The following PIP5K1B variants were observed in gnomAD, a reference collection of about 807,000 sequenced individuals.
PIP5K1B encodes phosphatidylinositol-4-phosphate 5-kinase type 1 beta.
Under a neutral mutation model 67.0 loss-of-function variants are expected in PIP5K1B, and 42 were observed. The observed-to-expected ratio is 0.63, with a 90% confidence interval of 0.49 to 0.81. PIP5K1B has a LOEUF of 0.81. Among genes scored for constraint, PIP5K1B ranks in the 30% least tolerant of loss-of-function variants. The pLI is 0.00. For synonymous variants in PIP5K1B, 214 were observed against 231.4 expected, an observed-to-expected ratio of 0.92 and a Z score of 0.68; for missense variants, 459 against 646.3, an observed-to-expected ratio of 0.71 and a Z score of 3.14.
intron 8 of PIP5K1B, among the ~76,000 whole-genome samples, chr9:68,897,075 G>A (rs1825126836): frequency 6.6e-6 from 1 of 152,182 alleles, no homozygotes; most frequent in Admixed American, 6.5e-5. Context: ...TTGCTTTGCA[G>A]AGCTGAGCCT....
chr9:68,732,951 T>A (rs1040088857), intron 1 of PIP5K1B, among the ~76,000 whole-genome samples: 1 of 151,852 alleles, frequency 6.6e-6, no homozygotes, highest in Non-Finnish European at 1.5e-5. Flanking sequence ...ATGATGATGA[T>A]GATGACGACG....
At chr9:68,815,012 T>A (rs1833365138) in intron 2 of PIP5K1B, among the ~76,000 whole-genome samples, 1 of 152,180 alleles carries the variant, frequency 6.6e-6, no homozygotes, top group African/African-American at 2.4e-5. Context: ...GGAGAAAAGC[T>A]ATTTTACTCA....
At chr9:68,726,658 G>A (rs1286451849) in intron 1 of PIP5K1B, among the ~76,000 whole-genome samples, 1 of 152,130 alleles carries the variant, frequency 6.6e-6, no homozygotes, top group African/African-American at 2.4e-5. Context: ...GTGGCATCAG[G>A]GAGGAGAGGG....
chr9:68,920,547 T>C (rs1826329852), intron 11 of PIP5K1B, among the ~76,000 whole-genome samples: 1 of 151,812 alleles, frequency 6.6e-6, no homozygotes, highest in Non-Finnish European at 1.5e-5. Flanking sequence ...TTTGTACTTT[T>C]AGTAGAGACA....
intron 6 of PIP5K1B, among the ~76,000 whole-genome samples, chr9:68,888,742 C>T (rs1161166612): frequency 6.6e-6 from 1 of 152,146 alleles, no homozygotes; most frequent in East Asian, 1.9e-4. Context: ...TATCGCATGA[C>T]TCTGGGGGTT....
At chr9:68,891,645 A>G (rs1175076923) in intron 7 of PIP5K1B, among the ~76,000 whole-genome samples, 1 of 152,162 alleles carries the variant, frequency 6.6e-6, no homozygotes, top group Admixed American at 6.5e-5. Context: ...AGTCTTGAGT[A>G]CAAAAAGAAA....
intron 4 of PIP5K1B, among the ~76,000 whole-genome samples, chr9:68,851,063 TAA>T (rs1239266520): frequency 3.9e-5 from 6 of 152,240 alleles, no homozygotes; most frequent in African/African-American, 1.4e-4. Context: ...ATGAATACTT[TAA>T]GAGTACAGTA....
At chr9:68,743,569 C>T (rs76269228) in intron 2 of PIP5K1B, among the ~76,000 whole-genome samples, 8,558 of 152,166 alleles carry the variant, frequency 0.056, 324 homozygotes, top group Non-Finnish European at 0.08. Flanking sequence ...AGGAGAAATC[C>T]CTTTCACATG....
chr9:68,822,547 C>T, intron 3 of PIP5K1B, 68 bp from the exon 4 acceptor site: 1 of 1,108,906 alleles, frequency 9.0e-7, no homozygotes. Flanking sequence ...CTTTGGTTAG[C>T]AATATTATTA....
At chr9:68,906,039 G>T (rs1002203085) in intron 8 of PIP5K1B, among the ~76,000 whole-genome samples, 6 of 152,062 alleles carry the variant, frequency 3.9e-5, no homozygotes, top group Non-Finnish European at 8.8e-5. Flanking sequence ...TAAATTTTGA[G>T]ACAGAGTCTC....
intron 6 of PIP5K1B, among the ~76,000 whole-genome samples, chr9:68,879,080 G>C (rs1175247148): frequency 2.0e-5 from 3 of 152,140 alleles, no homozygotes; most frequent in African/African-American, 7.2e-5. Flanking sequence ...AGGAAACTAA[G>C]GAAATATAAA....
intron 2 of PIP5K1B, among the ~76,000 whole-genome samples, chr9:68,766,598 ATAGG>A (rs1416769975): frequency 1.3e-5 from 2 of 152,222 alleles, no homozygotes; most frequent in East Asian, 1.9e-4. Flanking sequence ...CATTATGTAG[ATAGG>A]TAGGTATGTA....
chr9:68,709,781 G>A (rs144164896), intron 1 of PIP5K1B, among the ~76,000 whole-genome samples: 24 of 152,268 alleles, frequency 1.6e-4, no homozygotes, highest in South Asian at 6.2e-4. Flanking sequence ...ATGGTGGCAC[G>A]TGCCTGTGGT....
intron 2 of PIP5K1B, among the ~76,000 whole-genome samples, chr9:68,748,313 C>T (rs1564105346): frequency 6.6e-6 from 1 of 152,196 alleles, no homozygotes; most frequent in African/African-American, 2.4e-5. Flanking sequence ...ACAGTCCCAC[C>T]ATATCCTTCT....
chr9:68,819,763 C>G (rs1350971262), intron 3 of PIP5K1B, among the ~76,000 whole-genome samples: 1 of 152,146 alleles, frequency 6.6e-6, no homozygotes, highest in Non-Finnish European at 1.5e-5. Flanking sequence ...GCTACATGGC[C>G]TCTCCGACTC....
chr9:68,744,949 T>A (rs1346572709), intron 2 of PIP5K1B, among the ~76,000 whole-genome samples: 1 of 152,186 alleles, frequency 6.6e-6, no homozygotes, highest in Non-Finnish European at 1.5e-5. Flanking sequence ...AAGACCCTAA[T>A]ATATAGCCCT....
At chr9:68,939,644 C>T (rs541477838) in intron 13 of PIP5K1B, among the ~76,000 whole-genome samples, 2 of 152,318 alleles carry the variant, frequency 1.3e-5, no homozygotes, top group East Asian at 3.9e-4. Flanking sequence ...AGCTCCACCA[C>T]CCCAGTGTGT....
intron 15 of PIP5K1B, among the ~76,000 whole-genome samples, chr9:69,006,785 C>T (rs1009366163): frequency 4.6e-5 from 7 of 152,218 alleles, no homozygotes; most frequent in Non-Finnish European, 1.5e-5. Context: ...GAAAGCAAAA[C>T]TATCACCTCT....
intron 2 of PIP5K1B, among the ~76,000 whole-genome samples, chr9:68,775,548 T>G (rs978480000): frequency 5.3e-5 from 8 of 152,210 alleles, no homozygotes; most frequent in Admixed American, 2.6e-4. Context: ...ATGCACTGGT[T>G]GTAGGGATGA....
Sources: allele counts gnomAD v4.1 joint callset (sites outside exome capture counted in the v4.1 genomes callset), GRCh38; gene constraint gnomAD v4.1.1; transcripts MANE v1.5; gene names NCBI Gene and HGNC (gene_info 2026-07-23, HGNC 2026-07-21).